TENM2: variants seen among roughly 807,000 people sequenced by gnomAD.
TENM2 encodes the protein teneurin-2.
A neutral mutation model predicts 245.2 loss-of-function variants in TENM2; 52 were observed. The observed-to-expected ratio is 0.21, with a 90% CI of 0.17 to 0.27. TENM2 has a LOEUF of 0.27. TENM2 is among the 10% of genes least tolerant of loss of function. The pLI, the probability that TENM2 is intolerant of heterozygous loss-of-function variation, is 1.00. For synonymous variants in TENM2, 1,363 were observed against 1,438.9 expected (o/e 0.95, Z 1.19); for missense variants, 3,046 against 3,666.8 (o/e 0.83, Z 4.37).
At chr5:168,142,967 C>T (rs1211609712) in intron 12 of TENM2, among the ~76,000 whole-genome samples, 3 of 152,202 alleles carry the variant, frequency 2.0e-5, no homozygotes, top group Non-Finnish European at 2.9e-5. Context: ...TGGAGAACCA[C>T]ACTGCATCTA....
rs758046543 is a variant in TENM2 at position 168,218,860 on chromosome 5, A to G, written c.4969A>G (p.Ile1657Val). 10 of 1,613,908 alleles carry G rather than the reference A, an allele frequency of 6.2e-6. No homozygotes were observed. The Admixed American group carries it at 1.7e-4, about 27-fold the overall frequency. ...CCTGCTCATGCCTGACAACCAGATC[A>G]TCACCCTCACCGTGGGCACCAATGG... Residue 1657 changes from isoleucine (I) to valine (V), a missense_variant, in exon 23 of 29, where the codon ATC (isoleucine) becomes GTC (valine). Transcript: ENST00000518659. The surrounding 1 kb of genome is among the most constrained non-coding windows in gnomAD (Gnocchi z 5.2).
chr5:168,117,309 G>A (rs977771112), intron 9 of TENM2, among the ~76,000 whole-genome samples: 8 of 151,920 alleles, frequency 5.3e-5, no homozygotes, highest in African/African-American at 1.7e-4. Flanking sequence ...ATATTTAATC[G>A]TTATGCTTTA....
At chr5:167,951,189 C>A (rs1399911045) in intron 3 of TENM2, among the ~76,000 whole-genome samples, 3 of 152,168 alleles carry the variant, frequency 2.0e-5, no homozygotes, top group Non-Finnish European at 2.9e-5. Context: ...TGTAGCCCGG[C>A]CACATAAGGA....
intron 27 of TENM2, 91 bp from the exon 30 acceptor site, chr5:168,260,192 C>A: frequency 1.4e-6 from 2 of 1,438,468 alleles, no homozygotes; most frequent in Non-Finnish European, 1.9e-6. Context: ...TACACCCAAC[C>A]ACCCATTTTA....
At chr5:167,431,106 C>A (rs576744630) in intron 2 of TENM2, among the ~76,000 whole-genome samples, 27 of 152,034 alleles carry the variant, frequency 1.8e-4, no homozygotes, top group African/African-American at 6.3e-4. Flanking sequence ...AAATGATCTA[C>A]GAATCTTTAT....
intron 27 of TENM2, among the ~76,000 whole-genome samples, chr5:168,255,428 A>G (rs1176331400): frequency 6.6e-6 from 1 of 151,990 alleles, no homozygotes; most frequent in Non-Finnish European, 1.5e-5. Flanking sequence ...CAGCCTCCTG[A>G]GGAGCTGGGA....
intron 21 of TENM2, among the ~76,000 whole-genome samples, chr5:168,215,678 AAAG>A (rs1196661109): frequency 2.0e-5 from 3 of 152,250 alleles, no homozygotes; most frequent in Admixed American, 2.0e-4. Flanking sequence ...CAAAAAAGAA[AAAG>A]AAAACCTTAT....
At chr5:168,109,333 G>A (rs774230850) in intron 9 of TENM2, among the ~76,000 whole-genome samples, 32 of 152,178 alleles carry the variant, frequency 2.1e-4, no homozygotes, top group African/African-American at 6.8e-4. Flanking sequence ...AATCGCCACC[G>A]CCTATTGAAG....
chr5:167,510,559 T>C (rs1361883185), intron 2 of TENM2, among the ~76,000 whole-genome samples: 2 of 133,440 alleles, frequency 1.5e-5, no homozygotes, highest in Admixed American at 7.9e-5. Context: ...ACTGTTACTA[T>C]AGAAAAAAAT....
exon 2 of TENM2, chr5:167,375,285 A>G: frequency 6.4e-7 from 1 of 1,551,730 alleles, no homozygotes; most frequent in East Asian, 2.4e-5. Context: ...ATCCTTCACC[A>G]GGGCTACTCC....
At chr5:167,082,271 T>C in the TENM2 span, among the ~76,000 whole-genome samples, 859 of 152,206 alleles carry the variant, frequency 5.6e-3, 7 homozygotes, top group African/African-American at 0.019. Flanking sequence ...TTTTATTTTG[T>C]ATTTCATTTT....
At chr5:167,879,285 C>A (rs1442727022) in intron 3 of TENM2, among the ~76,000 whole-genome samples, 4 of 152,174 alleles carry the variant, frequency 2.6e-5, no homozygotes, top group African/African-American at 9.7e-5. Context: ...AACCCTCAAT[C>A]TATGCCAATC....
intron 9 of TENM2, among the ~76,000 whole-genome samples, chr5:168,112,614 G>T (rs1459443283): frequency 1.7e-5 from 2 of 121,028 alleles, no homozygotes; most frequent in African/African-American, 3.1e-5. Context: ...GGCGGGGGGG[G>T]GGTCAAACTT....
intron 2 of TENM2, among the ~76,000 whole-genome samples, chr5:167,515,041 G>A (rs1251074203): frequency 1.3e-5 from 2 of 151,900 alleles, no homozygotes; most frequent in African/African-American, 4.8e-5. Context: ...AAAAAGAAAT[G>A]TAAACTGCAT....
chr5:168,055,043 G>T (rs1444112227), intron 6 of TENM2, among the ~76,000 whole-genome samples: 1 of 152,176 alleles, frequency 6.6e-6, no homozygotes, highest in Non-Finnish European at 1.5e-5. Flanking sequence ...GTTCCTGCAT[G>T]CCAGGGTGCC....
chr5:168,225,032 G>T (rs1050204800), intron 23 of TENM2, among the ~76,000 whole-genome samples: 1 of 152,166 alleles, frequency 6.6e-6, no homozygotes, highest in Non-Finnish European at 1.5e-5. Context: ...AAAGAAGGAG[G>T]CCCCAGTGTC....
At chr5:168,197,238 T>C (rs1294164324) in intron 15 of TENM2, among the ~76,000 whole-genome samples, 1 of 152,234 alleles carries the variant, frequency 6.6e-6, no homozygotes, top group Non-Finnish European at 1.5e-5. Flanking sequence ...AATATTCCTA[T>C]GCTCCCTGTT....
Position 168,079,367 on chromosome 5 carries a change from C to T in TENM2, c.1516-11207C>T, listed in dbSNP as rs1347809281. Among the ~76,000 whole-genome samples, 4 of 152,178 alleles carry T rather than the reference C, an allele frequency of 2.6e-5. No individual in the cohort carries two copies. In the South Asian group the frequency reaches 6.2e-4, roughly 24 times the overall value. Reference sequence around the variant, plus strand: ...GGGTTTTCTAAATATACAATCATGTCATCTGCAAACAGGGACAATTTGACT... The same window carrying T: ...GGGTTTTCTAAATATACAATCATGTTATCTGCAAACAGGGACAATTTGACT... On this transcript the variant is annotated intron_variant, in intron 7 of 28. Transcript: ENST00000518659.
chr5:167,268,717 T>C, the TENM2 span, among the ~76,000 whole-genome samples: 1 of 152,184 alleles, frequency 6.6e-6, no homozygotes, highest in African/African-American at 2.4e-5. Flanking sequence ...TTCTGTATTA[T>C]CTATTACTGC....
Sources: allele counts gnomAD v4.1 joint callset (sites outside exome capture counted in the v4.1 genomes callset), GRCh38; gene constraint gnomAD v4.1.1; non-coding constraint Gnocchi (gnomAD v3.1); transcripts MANE v1.5; gene names NCBI Gene and HGNC (gene_info 2026-07-23, HGNC 2026-07-21).